DCC: variants seen among roughly 807,000 people sequenced by gnomAD.
DCC encodes DCC netrin 1 receptor.
A neutral mutation model predicts 172.5 loss-of-function variants in DCC; 58 were observed. That is an observed-to-expected ratio of 0.34 (90% confidence interval 0.27 to 0.42). DCC has a LOEUF of 0.42. Among genes scored for constraint, DCC ranks in the 10% least tolerant of loss-of-function variants. DCC has a pLI of 1.00. For synonymous variants in DCC, 709 were observed against 644.5 expected (o/e 1.10, Z -1.52); for missense variants, 1,740 against 1,791.0 (o/e 0.97, Z 0.51).
chr18:53,139,787 C>G (rs1265187331), intron 7 of DCC, among the ~76,000 whole-genome samples: 3 of 152,128 alleles, frequency 2.0e-5, no homozygotes, highest in Non-Finnish European at 4.4e-5. Flanking sequence ...TTTGCCACCT[C>G]TCCTTCTCCT....
At chr18:53,480,484 A>G (rs1323841681) in intron 25 of DCC, among the ~76,000 whole-genome samples, 1 of 152,222 alleles carries the variant, frequency 6.6e-6, no homozygotes, top group Non-Finnish European at 1.5e-5. Context: ...TTTGAATTTA[A>G]AAACTATTAT....
At chr18:52,554,692 C>T (rs545280829) in intron 1 of DCC, among the ~76,000 whole-genome samples, 7 of 152,140 alleles carry the variant, frequency 4.6e-5, no homozygotes, top group African/African-American at 1.7e-4. Flanking sequence ...TCTCATTCTT[C>T]TGTGTTTTGG....
chr18:52,694,823 G>T (rs975193435), intron 1 of DCC, among the ~76,000 whole-genome samples: 2 of 152,112 alleles, frequency 1.3e-5, no homozygotes, highest in Non-Finnish European at 2.9e-5. Flanking sequence ...GTAAAGTAAA[G>T]AATTAGGTTA....
intron 5 of DCC, among the ~76,000 whole-genome samples, chr18:53,059,177 G>A (rs933190329): frequency 7.9e-5 from 12 of 152,072 alleles, no homozygotes; most frequent in African/African-American, 2.9e-4. Flanking sequence ...CAGCACGAGG[G>A]TAACTGTCTC....
intron 19 of DCC, among the ~76,000 whole-genome samples, chr18:53,403,978 A>AG (rs1909483886): frequency 6.6e-6 from 1 of 152,198 alleles, no homozygotes; most frequent in African/African-American, 2.4e-5. Context: ...AATATGGAAA[A>AG]AGAAGTGAGG....
chr18:52,553,001 G>A (rs1021251926), intron 1 of DCC, among the ~76,000 whole-genome samples: 1 of 151,918 alleles, frequency 6.6e-6, no homozygotes, highest in African/African-American at 2.4e-5. Context: ...AGCATTATTG[G>A]GTTTAAAGGT....
chr18:52,838,765 G>A (rs1202572819), intron 2 of DCC, among the ~76,000 whole-genome samples: 1 of 152,092 alleles, frequency 6.6e-6, no homozygotes, highest in African/African-American at 2.4e-5. Flanking sequence ...TTTATAAATG[G>A]CCAATGAGCC....
intron 27 of DCC, among the ~76,000 whole-genome samples, chr18:53,515,004 A>G (rs1282721611): frequency 5.9e-5 from 9 of 151,794 alleles, no homozygotes; most frequent in African/African-American, 2.2e-4. Context: ...AAAAAAAGAG[A>G]ATTTTAGACC....
At chr18:53,271,673 G>C (rs1347945066) in intron 12 of DCC, among the ~76,000 whole-genome samples, 1 of 152,112 alleles carries the variant, frequency 6.6e-6, no homozygotes, top group Non-Finnish European at 1.5e-5. Context: ...CAAGCCGGAA[G>C]CTATCTTTTG....
chr18:53,371,050 A>T (rs1205060328), intron 15 of DCC, among the ~76,000 whole-genome samples: 1 of 151,970 alleles, frequency 6.6e-6, no homozygotes, highest in Non-Finnish European at 1.5e-5. Flanking sequence ...TTTAGAAATT[A>T]TAGCATGACC....
chr18:52,685,001 A>T (rs2035807105), intron 1 of DCC, among the ~76,000 whole-genome samples: 1 of 152,034 alleles, frequency 6.6e-6, no homozygotes. Context: ...TATTTTTTTT[A>T]CCACTATGCA....
At chr18:52,671,935 A>T (rs74614858) in intron 1 of DCC, among the ~76,000 whole-genome samples, 6,926 of 152,216 alleles carry the variant, frequency 0.046, 233 homozygotes, top group South Asian at 0.15. Flanking sequence ...TATTTTCATG[A>T]ATAATTAAAA....
intron 9 of DCC, among the ~76,000 whole-genome samples, chr18:53,182,199 A>G (rs2055208381): frequency 6.6e-6 from 1 of 152,258 alleles, no homozygotes. Flanking sequence ...TCTCTAAGAA[A>G]TGAAAATGAA....
intron 2 of DCC, among the ~76,000 whole-genome samples, chr18:52,853,006 AT>A (rs987692544): frequency 3.3e-5 from 5 of 152,178 alleles, no homozygotes; most frequent in East Asian, 1.9e-4. Flanking sequence ...TAATCCATTC[AT>A]TTTCCCCCAA....
chr18:52,378,310 G>GAA (rs372325684), intron 1 of DCC, among the ~76,000 whole-genome samples: 3 of 140,266 alleles, frequency 2.1e-5, no homozygotes, highest in African/African-American at 2.6e-5. Context: ...GATCTCTAAA[G>GAA]AAAAAAAAAA....
In DCC at chr18:53,473,687, C is replaced by T. The variant is rs540955357; in HGVS notation, c.3736+5677C>T. Among the ~76,000 whole-genome samples the T allele has an allele frequency of 2.6e-5, 4 of 152,330 alleles. No individual in the cohort carries two copies. The South Asian group carries it at 8.3e-4, about 32-fold the overall frequency. ...TACACATGGGAAACAGCGACTCAGA[C>T]AGCTTAAGCAACTTCCTCTAGGCTA... On this transcript the variant is annotated intron_variant, in intron 25 of 28. Coordinates refer to ENST00000442544, the MANE Select transcript of DCC (RefSeq NM_005215.4).
At chr18:52,341,363 T>G (rs1465368318) in intron 1 of DCC, among the ~76,000 whole-genome samples, 1 of 152,088 alleles carries the variant, frequency 6.6e-6, no homozygotes, top group African/African-American at 2.4e-5. Context: ...TGGTTTGGAT[T>G]TTTGGACTTG....
intron 2 of DCC, among the ~76,000 whole-genome samples, chr18:52,791,973 T>C (rs1388898604): frequency 6.6e-6 from 1 of 152,140 alleles, no homozygotes; most frequent in Non-Finnish European, 1.5e-5. Flanking sequence ...TTGCTCTTAA[T>C]TGTTGAAGGT....
Position 52,414,341 on chromosome 18 carries a change from C to T in DCC, c.91+73463C>T, listed in dbSNP as rs533086207. Among the ~76,000 whole-genome samples the T allele has an allele frequency of 2.0e-5, 3 of 152,226 alleles. No individual in the cohort carries two copies. In the East Asian group the frequency reaches 5.8e-4, roughly 29 times the overall value. On this transcript the variant is annotated intron_variant, in intron 1 of 28. Transcript: ENST00000442544. ...TCAGGTGATCCACCCACCTCAGCCT[C>T]CCAAAGTGCTGGGATTACAGGCATG... is the stretch of plus-strand genomic sequence containing the variant.
Sources: allele counts gnomAD v4.1 joint callset (sites outside exome capture counted in the v4.1 genomes callset), GRCh38; gene constraint gnomAD v4.1.1; transcripts MANE v1.5; gene names NCBI Gene and HGNC (gene_info 2026-07-23, HGNC 2026-07-21).